The following HDLBP variants were observed in gnomAD, a reference collection of about 807,000 sequenced individuals.
HDLBP encodes the protein high density lipoprotein binding protein, also known as vigilin.
HDLBP carries 30 observed loss-of-function variants against 137.3 expected under a neutral mutation model. That is an observed-to-expected ratio of 0.22 (90% CI 0.16 to 0.30). The LOEUF (loss-of-function observed/expected upper bound fraction) is 0.30, where lower values mean the gene tolerates loss of function less well. HDLBP is among the 10% of genes least tolerant of loss of function. The probability of loss-of-function intolerance (pLI) is 1.00; values close to 1 mark genes in which losing one functional copy is unlikely to be tolerated. For missense variants in HDLBP, 1,119 were observed against 1,667.3 expected (o/e 0.67, Z 5.73); for synonymous variants, 606 against 596.0 (o/e 1.02, Z -0.24).
intron 5 of HDLBP, among the ~76,000 whole-genome samples, chr2:241,257,559 A>G (rs920815813): frequency 6.6e-6 from 1 of 152,230 alleles, no homozygotes; most frequent in African/African-American, 2.4e-5. Flanking sequence ...AGAAAAAAGG[A>G]AAAAAGAAAA....
chr2:241,288,295 G>C (rs2074900700), intron 1 of HDLBP, among the ~76,000 whole-genome samples: 1 of 152,078 alleles, frequency 6.6e-6, no homozygotes, highest in African/African-American at 2.4e-5. Flanking sequence ...GACTTTACAT[G>C]AACCTATTCA....
chr2:241,242,971 C>T (rs368179942), intron 16 of HDLBP, among the ~76,000 whole-genome samples: 1 of 152,100 alleles, frequency 6.6e-6, no homozygotes, highest in Non-Finnish European at 1.5e-5. Context: ...GAGGTGGGAG[C>T]GTGGTAATTT....
intron 1 of HDLBP, among the ~76,000 whole-genome samples, chr2:241,294,463 T>C (rs1470592597): frequency 6.6e-6 from 1 of 152,212 alleles, no homozygotes; most frequent in African/African-American, 2.4e-5. Flanking sequence ...TATTTTATTT[T>C]ATTATTTATT....
At chr2:241,236,229 C>T (rs535052591) in intron 21 of HDLBP, 9 of 262,236 alleles carry the variant, frequency 3.4e-5, no homozygotes, top group East Asian at 1.8e-4. Flanking sequence ...AGGTGGCACT[C>T]GACACTGACT....
intron 1 of HDLBP, among the ~76,000 whole-genome samples, chr2:241,283,003 C>T (rs1170269673): frequency 6.6e-6 from 1 of 152,180 alleles, no homozygotes; most frequent in Non-Finnish European, 1.5e-5. Flanking sequence ...AAAGCTAGGC[C>T]TCTTGCACCA....
At chr2:241,293,933 AAAAC>A in intron 1 of HDLBP, among the ~76,000 whole-genome samples, 1 of 151,954 alleles carries the variant, frequency 6.6e-6, no homozygotes, top group South Asian at 2.1e-4. Context: ...AAAAAAAAAA[AAAAC>A]AAAAACAGAA....
At chr2:241,281,779 G>A (rs1274838041) in intron 1 of HDLBP, among the ~76,000 whole-genome samples, 7 of 152,142 alleles carry the variant, frequency 4.6e-5, no homozygotes, top group Non-Finnish European at 8.8e-5. Context: ...ATGTAAAATG[G>A]TAGTATCTTA....
rs1033106478 is a variant in HDLBP, at chr2:241,272,208, G to C, written c.-102-3667C>G. On this transcript the variant is annotated intron_variant, in intron 1 of 27. Coordinates refer to ENST00000310931, the MANE Select transcript of HDLBP (RefSeq NM_005336.6). This position sits in a 1 kb window ranked among gnomAD's most constrained non-coding sequence, Gnocchi z 5.6. ...CGCGCGGCAGGTGGAGGTGCTGCGG[G>C]GGCCCCGCCGCCCGGTCTGCGCCCA... The C allele has an allele frequency of 1.1e-5, 11 of 984,028 alleles. No individual in the cohort carries two copies. Among genetic ancestry groups the C allele is most frequent in the Non-Finnish European group, 1.3e-5 (11 of 828,722 alleles). 61.0% of individuals were successfully genotyped at this position (984,028 alleles called of 1,614,324 possible). A position where few individuals can be genotyped will look rare whatever the true frequency, so the allele number is the denominator to read the frequency against.
rs2071348515 is a variant in HDLBP at position 241,242,591 on chromosome 2, T to A, written c.2038A>T (p.Met680Leu). Residue 680 changes from methionine to leucine, a missense_variant, in exon 17 of 28, where the codon ATG becomes TTG. Coordinates refer to ENST00000310931, the MANE Select transcript of HDLBP (RefSeq NM_005336.6). ...ATGTGGACCCCGCCGCACTCCTCCA[T>A]GATGGAGCGGATCAGACGGCCCTTG... is the stretch of plus-strand genomic sequence containing the variant. ...GTKGRLIRSI[M>L]EECGGVHIHF... The A allele has an allele frequency of 6.2e-7, 1 of 1,614,090 alleles. No homozygotes were observed. Among genetic ancestry groups the A allele is most frequent in the Non-Finnish European group, 8.5e-7 (1 of 1,180,046 alleles).
At chr2:241,276,629 T>C (rs549014331) in intron 1 of HDLBP, among the ~76,000 whole-genome samples, 45 of 152,252 alleles carry the variant, frequency 3.0e-4, no homozygotes, top group Admixed American at 9.8e-4. Flanking sequence ...ATGGAAGAAG[T>C]ACTCCGAGCA....
chr2:241,280,227 A>G (rs2074543720), intron 1 of HDLBP: 5 of 566,320 alleles, frequency 8.8e-6, no homozygotes, highest in Non-Finnish European at 1.1e-5. Flanking sequence ...CTCATATTAC[A>G]TTTTTATTAG....
intron 1 of HDLBP, among the ~76,000 whole-genome samples, chr2:241,308,898 A>G (rs1000211122): frequency 1.3e-5 from 2 of 152,112 alleles, no homozygotes; most frequent in Non-Finnish European, 2.9e-5. Flanking sequence ...TCAAGATCCG[A>G]CTGCTAGGAG....
intron 1 of HDLBP, among the ~76,000 whole-genome samples, chr2:241,276,474 A>G (rs1243688879): frequency 6.6e-6 from 1 of 152,184 alleles, no homozygotes; most frequent in Non-Finnish European, 1.5e-5. Flanking sequence ...CAAGGTAAAT[A>G]AAACACAAAA....
intron 1 of HDLBP, among the ~76,000 whole-genome samples, chr2:241,286,074 C>A (rs2074794587): frequency 6.6e-6 from 1 of 152,174 alleles, no homozygotes; most frequent in Non-Finnish European, 1.5e-5. Flanking sequence ...AGAATCTACA[C>A]TGATTATGAG....
chr2:241,261,355 G>A (rs1574954321), intron 5 of HDLBP, among the ~76,000 whole-genome samples: 1 of 152,200 alleles, frequency 6.6e-6, no homozygotes. Flanking sequence ...AGTCCAAACA[G>A]AGACTGGGTT....
chr2:241,246,356 G>A (rs576082596), intron 16 of HDLBP, among the ~76,000 whole-genome samples: 31 of 152,134 alleles, frequency 2.0e-4, no homozygotes, highest in Admixed American at 2.0e-3. Context: ...TTTTTGGGGT[G>A]ATGGTGGGAA....
intron 17 of HDLBP, among the ~76,000 whole-genome samples, chr2:241,241,959 G>A (rs931514651): frequency 6.6e-6 from 1 of 152,168 alleles, no homozygotes; most frequent in Non-Finnish European, 1.5e-5. Flanking sequence ...AGGCTGATCA[G>A]CAAGGGGTGT....
intron 16 of HDLBP, chr2:241,243,689 G>C (rs1013044013): frequency 6.6e-6 from 1 of 152,326 alleles, no homozygotes; most frequent in Non-Finnish European, 1.5e-5. Context: ...TCAACTTTCT[G>C]GGACGTGGAG....
intron 10 of HDLBP, 74 bp downstream of exon 10, chr2:241,253,319 A>G (rs764737928): frequency 5.3e-5 from 53 of 1,000,966 alleles, no homozygotes; most frequent in Non-Finnish European, 8.4e-5. Flanking sequence ...GATGTCATCG[A>G]GAGATGACCG....
Sources: gnomAD v4.1 joint callset for allele counts (sites outside exome capture counted in the v4.1 genomes callset) on GRCh38, gnomAD v4.1.1 for gene constraint, Gnocchi (gnomAD v3.1) non-coding constraint, MANE v1.5 for transcripts, NCBI Gene and HGNC (gene_info 2026-07-23, HGNC 2026-07-21) for gene names.